The following SFSWAP variants were observed in gnomAD, a reference collection of about 807,000 sequenced individuals.
SFSWAP encodes the protein splicing factor, suppressor of white-apricot homolog.
A neutral mutation model predicts 100.7 loss-of-function variants in SFSWAP; 17 were observed. The observed-to-expected ratio is 0.17, with a 90% CI of 0.12 to 0.25. SFSWAP has a LOEUF of 0.25. Among genes scored for constraint, SFSWAP ranks in the 10% least tolerant of loss-of-function variants. SFSWAP has a pLI of 1.00. For missense variants in SFSWAP, 1,005 were observed against 1,262.6 expected (o/e 0.80, Z 3.09); for synonymous variants, 504 against 510.1 (o/e 0.99, Z 0.16).
chr12:131,716,236 T>C (rs1877903052), intron 3 of SFSWAP, among the ~76,000 whole-genome samples: 1 of 152,244 alleles, frequency 6.6e-6, no homozygotes, highest in Admixed American at 6.5e-5. Context: ...GTTGCACAGC[T>C]CTATTTTATG....
At chr12:131,739,847 GTTGCTTACT>G (rs1880435973) in intron 7 of SFSWAP, among the ~76,000 whole-genome samples, 2 of 152,088 alleles carry the variant, frequency 1.3e-5, no homozygotes, top group Admixed American at 6.6e-5. Context: ...CCAGCCCCCA[GTTGCTTACT>G]TTTAGTTTTA....
At chr12:131,720,333 A>G (rs1878351308) in intron 4 of SFSWAP, among the ~76,000 whole-genome samples, 1 of 152,218 alleles carries the variant, frequency 6.6e-6, no homozygotes, top group South Asian at 2.1e-4. Flanking sequence ...GACTTAGGAA[A>G]GTCAAGAATT....
intron 16 of SFSWAP, 82 bp downstream of exon 16, chr12:131,797,442 C>T: frequency 7.9e-7 from 1 of 1,271,588 alleles, no homozygotes; most frequent in South Asian, 1.5e-5. Flanking sequence ...TGAGTCCTTG[C>T]CTATGTCAGT....
At chr12:131,760,877 G>T (rs908633107) in intron 11 of SFSWAP, among the ~76,000 whole-genome samples, 12 of 152,108 alleles carry the variant, frequency 7.9e-5, no homozygotes, top group Middle Eastern at 3.2e-3. Context: ...TTCGAGACCA[G>T]CCTGGTCAAC....
intron 15 of SFSWAP, among the ~76,000 whole-genome samples, chr12:131,788,674 C>T (rs944263037): frequency 2.5e-4 from 38 of 151,508 alleles, no homozygotes; most frequent in African/African-American, 8.5e-4. Context: ...CACAGGCTGT[C>T]ACCACCATGC....
At chr12:131,763,851 GCA>G in intron 11 of SFSWAP, among the ~76,000 whole-genome samples, 1 of 151,566 alleles carries the variant, frequency 6.6e-6, no homozygotes, top group South Asian at 2.1e-4. Context: ...ATGAGGCCGG[GCA>G]CAGTGGCTCA....
Position 131,799,719 on chromosome 12 carries a change from A to G in SFSWAP, c.*231A>G. 1.9e-6 allele frequency: 1 copy of G among 538,542 alleles called. No homozygotes were observed. Among genetic ancestry groups the G allele is most frequent in the Non-Finnish European group, 3.3e-6 (1 of 304,078 alleles). The allele number at this position is 538,542 out of a possible 1,614,324, so 33.4% of individuals were successfully genotyped here. On this transcript the variant is annotated 3_prime_UTR_variant, in exon 18 of 18. Transcript: ENST00000261674. ...ATGTATTATGAAATAAAATGGGAGG[A>G]AACACCTTTTCTAGCTAGACCCTGG... is the stretch of plus-strand genomic sequence containing the variant.
At chr12:131,743,329 A>G (rs964610925) in intron 7 of SFSWAP, among the ~76,000 whole-genome samples, 1 of 152,216 alleles carries the variant, frequency 6.6e-6, no homozygotes, top group Non-Finnish European at 1.5e-5. Context: ...TATAAAATCA[A>G]AAGCAAGTTA....
chr12:131,723,253 G>C (rs1240886462), intron 4 of SFSWAP: 1 of 152,124 alleles, frequency 6.6e-6, no homozygotes, highest in Non-Finnish European at 1.5e-5. Flanking sequence ...GTTCAGATTC[G>C]TAAGGACTCT....
intron 10 of SFSWAP, 151 bp from the exon 11 acceptor site, chr12:131,756,322 G>A: frequency 1.5e-6 from 1 of 656,642 alleles, no homozygotes; most frequent in Non-Finnish European, 2.6e-6. Context: ...AAAAACAGCA[G>A]ATCTGGATTT....
At chr12:131,793,054 G>A (rs561738132) in intron 15 of SFSWAP, among the ~76,000 whole-genome samples, 42 of 152,248 alleles carry the variant, frequency 2.8e-4, no homozygotes, top group African/African-American at 9.1e-4. Context: ...CGGGACCACA[G>A]CCACAGCGAT....
At chr12:131,748,831 ATTTC>A in intron 7 of SFSWAP, among the ~76,000 whole-genome samples, 1 of 152,312 alleles carries the variant, frequency 6.6e-6, no homozygotes, top group African/African-American at 2.4e-5. Context: ...ACCTATTGGA[ATTTC>A]TTTCTTGGAT....
At chr12:131,744,148 T>C (rs1880908114) in intron 7 of SFSWAP, among the ~76,000 whole-genome samples, 1 of 152,344 alleles carries the variant, frequency 6.6e-6, no homozygotes, top group East Asian at 1.9e-4. Context: ...TCTAGAGACA[T>C]TTTCTGCATT....
At chr12:131,740,966 CTTTTTTTTTTTTT>C (rs60047663) in intron 7 of SFSWAP, among the ~76,000 whole-genome samples, 4 of 70,136 alleles carry the variant, frequency 5.7e-5, no homozygotes, top group Non-Finnish European at 7.4e-5. Context: ...TCTTTTTTTT[CTTTTTTTTTTTTT>C]TTTTTTTTTT....
Position 131,753,367 on chromosome 12 carries a change from GGT to G in SFSWAP, c.1322+6_1322+7del. 1 of 1,610,034 alleles carries G rather than the reference GGT, an allele frequency of 6.2e-7. No homozygotes were observed. The highest frequency in any genetic ancestry group is 8.5e-7 in the Non-Finnish European group (1 of 1,176,888). On this transcript the variant is annotated splice_donor_5th_base_variant and intron_variant, in intron 8 of 17. Coordinates refer to ENST00000261674, the MANE Select transcript of SFSWAP (RefSeq NM_004592.4). ...CCTCCACAACCACCACCACAAGGTA[GGT>G]GCAGCGTCCACCGCTGCCTGCTGTG... is the stretch of plus-strand genomic sequence containing the variant.
chr12:131,797,399 C>G (rs775363651), intron 16 of SFSWAP, 39 bp downstream of exon 16: 1 of 1,556,014 alleles, frequency 6.4e-7, no homozygotes, highest in Non-Finnish European at 8.7e-7. Context: ...TGGGGAAAGG[C>G]AAGGGGCGGC....
Position 131,711,455 on chromosome 12 carries a change from C to G in SFSWAP, c.218+8C>G. On this transcript the variant is annotated splice_region_variant and intron_variant, in intron 1 of 17. Transcript: ENST00000261674. This position sits in a 1 kb window ranked among gnomAD's most constrained non-coding sequence, Gnocchi z 4.9. ...CAAGATCCTCATCGACAGGTCGGTT[C>G]CTCTCCCCACCCGTCGATCCTTCCC... The G allele has an allele frequency of 6.2e-7, 1 of 1,602,794 alleles. No individual in the cohort carries two copies. The highest frequency in any genetic ancestry group is 8.5e-7 in the Non-Finnish European group (1 of 1,170,976).
At position 131,714,592 on chromosome 12, in the gene SFSWAP, G is replaced by A. The variant is rs531719049; in HGVS notation, c.389-230G>A. ...CTTAATCCCAAAATTTTCTCAGCAG[G>A]AAGAAATTTTCCACAAAAGACGTGT... is the stretch of plus-strand genomic sequence containing the variant. On this transcript the variant is annotated intron_variant, in intron 2 of 17. Transcript: ENST00000261674. The surrounding 1 kb of genome is among the most constrained non-coding windows in gnomAD (Gnocchi z 6.0). 1.7e-5 allele frequency: 9 copies of A among 531,664 alleles called. No individual in the cohort carries two copies. The highest frequency in any genetic ancestry group is 3.0e-5 in the Non-Finnish European group (9 of 301,598). The allele number at this position is 531,664 out of a possible 1,614,324, so 32.9% of individuals were successfully genotyped here.
In SFSWAP at chr12:131,778,539, C is replaced by A. The variant is rs540257516; in HGVS notation, c.2408+209C>A. 2.0e-5 allele frequency among the ~76,000 whole-genome samples: 3 copies of A among 152,196 alleles called. No homozygotes were observed. In the South Asian group the frequency reaches 6.2e-4, roughly 32 times the overall value. ...ATACTTAACTTTTTCTTTTTTGAGA[C>A]AGAGTTTTGTTCTTGTTGCCCAGGC... On this transcript the variant is annotated intron_variant, in intron 14 of 17. Coordinates refer to ENST00000261674, the MANE Select transcript of SFSWAP (RefSeq NM_004592.4). The surrounding 1 kb of genome is among the most constrained non-coding windows in gnomAD (Gnocchi z 4.2).
Sources: gnomAD v4.1 joint callset for allele counts (sites outside exome capture counted in the v4.1 genomes callset) on GRCh38, gnomAD v4.1.1 for gene constraint, Gnocchi (gnomAD v3.1) non-coding constraint, MANE v1.5 for transcripts, NCBI Gene and HGNC (gene_info 2026-07-23, HGNC 2026-07-21) for gene names.